CUX2: variants seen among roughly 807,000 people sequenced by gnomAD.
The protein encoded by CUX2 is cut like homeobox 2.
In CUX2, 40 loss-of-function variants were observed where a neutral mutation model predicts 144.8. The ratio of observed to expected loss-of-function variants is 0.28; its 90% CI spans 0.21 to 0.36. The LOEUF (loss-of-function observed/expected upper bound fraction) is 0.36. Ranked by LOEUF, CUX2 falls within the 10% of genes least tolerant of loss-of-function variation. The pLI, the probability that CUX2 is intolerant of heterozygous loss-of-function variation, is 1.00. For synonymous variants in CUX2, 827 were observed against 875.6 expected (o/e 0.94, Z 0.98); for missense variants, 1,615 against 1,994.0 (o/e 0.81, Z 3.62).
intron 4 of CUX2, among the ~76,000 whole-genome samples, chr12:111,280,342 A>G (rs766171573): frequency 6.6e-6 from 1 of 152,158 alleles, no homozygotes; most frequent in Admixed American, 6.6e-5. Context: ...ATGACAACGA[A>G]GGCTGAGATC....
intron 16 of CUX2, among the ~76,000 whole-genome samples, chr12:111,313,359 G>A (rs931698118): frequency 7.4e-5 from 11 of 149,496 alleles, no homozygotes; most frequent in East Asian, 4.3e-4. Flanking sequence ...GTGAGCCACC[G>A]TGCCCCGCCC....
At chr12:111,036,671 G>C (rs1869471652) in intron 1 of CUX2, among the ~76,000 whole-genome samples, 1 of 150,870 alleles carries the variant, frequency 6.6e-6, no homozygotes, top group East Asian at 2.0e-4. Flanking sequence ...TAGTGTGTCT[G>C]GCACACAGGA....
At chr12:111,049,612 A>G (rs189420218) in intron 1 of CUX2, among the ~76,000 whole-genome samples, 1 of 152,248 alleles carries the variant, frequency 6.6e-6, no homozygotes, top group Non-Finnish European at 1.5e-5. Flanking sequence ...TCTAGACTTG[A>G]GACGTGTAGT....
rs1432653988 is a variant in CUX2 at position 111,035,099 on chromosome 12, C to T, written c.63+859C>T. Among the ~76,000 whole-genome samples, 2 of 152,256 alleles carry T rather than the reference C, an allele frequency of 1.3e-5. No individual in the cohort carries two copies. The highest frequency in any genetic ancestry group is 3.9e-4 in the East Asian group (2 of 5,170). The stretch of plus-strand genomic sequence containing the variant: ...GCCGGGAGCGGCGCAGAGCAGGTGA[C>T]TCCCAGCCCTCGGGCCCAAGGGAAC... On this transcript the variant is annotated intron_variant, in intron 1 of 21. Transcript: ENST00000261726. The surrounding 1 kb of genome is among the most constrained non-coding windows in gnomAD (Gnocchi z 6.0).
chr12:111,159,796 G>A lies in CUX2; in HGVS notation c.64-54404G>A, dbSNP rs184234147. ...TCCCAGCACTTTGGGAGGCCAAGGCGGGTGGATCACCTGAGGTCAGGAGTT... is the reference window on the plus strand; with the variant it reads ...TCCCAGCACTTTGGGAGGCCAAGGCAGGTGGATCACCTGAGGTCAGGAGTT... On this transcript the variant is annotated intron_variant, in intron 1 of 21. Transcript: ENST00000261726. Among the ~76,000 whole-genome samples, 167 of 152,274 alleles carry A rather than the reference G, an allele frequency of 1.1e-3. No individual in the cohort carries two copies. The East Asian group carries it at 0.02, about 18-fold the overall frequency.
intron 3 of CUX2, among the ~76,000 whole-genome samples, chr12:111,228,962 C>T (rs2136242215): frequency 6.6e-6 from 1 of 152,036 alleles, no homozygotes; most frequent in East Asian, 1.9e-4. Context: ...AATCTTTGTA[C>T]CAAGTGAGAA....
chr12:111,276,203 A>C (rs1884864779), intron 4 of CUX2, among the ~76,000 whole-genome samples: 1 of 152,056 alleles, frequency 6.6e-6, no homozygotes, highest in Admixed American at 6.5e-5. Flanking sequence ...AAATTTTAAA[A>C]ATAGCTGGGC....
At chr12:111,193,752 G>T (rs1880048657) in intron 1 of CUX2, among the ~76,000 whole-genome samples, 1 of 152,178 alleles carries the variant, frequency 6.6e-6, no homozygotes, top group Admixed American at 6.5e-5. Flanking sequence ...ACTGCCATGG[G>T]CTTGGCCTCC....
At chr12:111,187,526 C>T (rs923010119) in intron 1 of CUX2, among the ~76,000 whole-genome samples, 11 of 152,094 alleles carry the variant, frequency 7.2e-5, no homozygotes, top group South Asian at 2.1e-4. Flanking sequence ...CACACCTAAA[C>T]GCATTTCAGT....
At chr12:111,282,935 G>A (rs1010638160) in intron 4 of CUX2, among the ~76,000 whole-genome samples, 26 of 151,954 alleles carry the variant, frequency 1.7e-4, no homozygotes, top group African/African-American at 5.8e-4. Context: ...ACCATAGGTC[G>A]GGTGTGGTGG....
intron 1 of CUX2, among the ~76,000 whole-genome samples, chr12:111,066,250 C>T (rs1053786468): frequency 6.6e-6 from 1 of 152,158 alleles, no homozygotes; most frequent in African/African-American, 2.4e-5. Flanking sequence ...TTACTTTTTC[C>T]AGAACTGACC....
chr12:111,131,055 C>T (rs1252756427), intron 1 of CUX2, among the ~76,000 whole-genome samples: 1 of 152,080 alleles, frequency 6.6e-6, no homozygotes, highest in African/African-American at 2.4e-5. Flanking sequence ...TTTATGCCTC[C>T]TGTATTAGTT....
At chr12:111,235,934 C>T (rs1724377022) in intron 3 of CUX2, among the ~76,000 whole-genome samples, 1 of 152,040 alleles carries the variant, frequency 6.6e-6, no homozygotes, top group African/African-American at 2.4e-5. Flanking sequence ...GAAACAAGCC[C>T]CTTTGTTGGA....
chr12:111,298,000 G>A (rs1886094947), intron 8 of CUX2, among the ~76,000 whole-genome samples: 1 of 152,134 alleles, frequency 6.6e-6, no homozygotes, highest in Non-Finnish European at 1.5e-5. Flanking sequence ...CCAGGCAGCA[G>A]GAACAGCTTG....
chr12:111,336,883 A>G (rs754221386), intron 19 of CUX2, among the ~76,000 whole-genome samples: 1 of 152,024 alleles, frequency 6.6e-6, no homozygotes, highest in Non-Finnish European at 1.5e-5. Flanking sequence ...CTTTTGAAAA[A>G]TGAACACTAG....
intron 1 of CUX2, among the ~76,000 whole-genome samples, chr12:111,149,981 CA>C (rs1282372295): frequency 2.6e-5 from 4 of 152,150 alleles, no homozygotes; most frequent in Admixed American, 2.6e-4. Flanking sequence ...TAAAGATGTC[CA>C]GGACATCCGG....
intron 1 of CUX2, among the ~76,000 whole-genome samples, chr12:111,058,405 A>G (rs528648166): frequency 1.3e-5 from 2 of 152,378 alleles, no homozygotes; most frequent in African/African-American, 4.8e-5. Context: ...TCAACTTCAC[A>G]CAAGTGTGAT....
intron 1 of CUX2, among the ~76,000 whole-genome samples, chr12:111,142,342 C>G (rs1036712650): frequency 6.6e-6 from 1 of 152,004 alleles, no homozygotes; most frequent in Non-Finnish European, 1.5e-5. Flanking sequence ...CATAAAAGAT[C>G]GTCCCAATTT....
At chr12:111,212,959 T>C (rs1444378105) in intron 1 of CUX2, among the ~76,000 whole-genome samples, 1 of 152,238 alleles carries the variant, frequency 6.6e-6, no homozygotes, top group Admixed American at 6.5e-5. Context: ...CAAAAGTGTT[T>C]CATTGTGTGT....
Sources: allele counts gnomAD v4.1 joint callset (sites outside exome capture counted in the v4.1 genomes callset), GRCh38; gene constraint gnomAD v4.1.1; non-coding constraint Gnocchi (gnomAD v3.1); transcripts MANE v1.5; gene names NCBI Gene and HGNC (gene_info 2026-07-23, HGNC 2026-07-21).